NYAP2: variants seen among roughly 807,000 people sequenced by gnomAD.
NYAP2 encodes neuronal tyrosine-phosphorylated phosphoinositide-3-kinase adaptor 2.
Under a neutral mutation model 50.4 loss-of-function variants are expected in NYAP2, and 23 were observed. The observed-to-expected ratio is 0.46, with a 90% CI of 0.33 to 0.65. The LOEUF (loss-of-function observed/expected upper bound fraction) is 0.65, where lower values mean the gene tolerates loss of function less well. Among genes scored for constraint, NYAP2 ranks in the 30% least tolerant of loss-of-function variants. The pLI, the probability that NYAP2 is intolerant of heterozygous loss-of-function variation, is 0.02. For missense variants in NYAP2, 885 were observed against 861.0 expected, an observed-to-expected ratio of 1.03 and a Z score of -0.35; for synonymous variants, 394 against 365.2, an observed-to-expected ratio of 1.08 and a Z score of -0.90.
intron 3 of NYAP2, among the ~76,000 whole-genome samples, chr2:225,457,884 G>C (rs1410721824): frequency 6.6e-6 from 1 of 152,104 alleles, no homozygotes; most frequent in African/African-American, 2.4e-5. Context: ...GTCTACAGGG[G>C]CAACAGTACT....
At chr2:225,519,461 C>G (rs1435615376) in intron 4 of NYAP2, among the ~76,000 whole-genome samples, 3 of 141,908 alleles carry the variant, frequency 2.1e-5, no homozygotes. Context: ...GTGATGTTCC[C>G]CTTCCTGTGT....
At chr2:225,440,039 T>G (rs931137195) in intron 3 of NYAP2, among the ~76,000 whole-genome samples, 2 of 152,172 alleles carry the variant, frequency 1.3e-5, no homozygotes, top group African/African-American at 2.4e-5. Context: ...TCATTATCAC[T>G]AGAACAGCAT....
intron 4 of NYAP2, among the ~76,000 whole-genome samples, chr2:225,534,508 A>G (rs1319746558): frequency 6.6e-6 from 1 of 152,250 alleles, no homozygotes; most frequent in Non-Finnish European, 1.5e-5. Context: ...AGCAGTTGAT[A>G]AATCATAAAC....
At chr2:225,659,801 T>A in the NYAP2 span, among the ~76,000 whole-genome samples, 5 of 152,228 alleles carry the variant, frequency 3.3e-5, no homozygotes, top group Non-Finnish European at 7.3e-5. Flanking sequence ...GGACAGACAT[T>A]ACTTGTGGGA....
intron 4 of NYAP2, among the ~76,000 whole-genome samples, chr2:225,547,627 T>G (rs1253764102): frequency 6.6e-6 from 1 of 152,212 alleles, no homozygotes; most frequent in Middle Eastern, 3.2e-3. Context: ...CCACAATCAC[T>G]ATACTCTCCT....
chr2:225,572,406 A>G (rs1692088591), intron 4 of NYAP2, among the ~76,000 whole-genome samples: 1 of 152,234 alleles, frequency 6.6e-6, no homozygotes, highest in African/African-American at 2.4e-5. Flanking sequence ...GCCTCAGGAA[A>G]CTTACAATCA....
chr2:225,488,904 A>G (rs1690351886), intron 3 of NYAP2, among the ~76,000 whole-genome samples: 1 of 152,188 alleles, frequency 6.6e-6, no homozygotes, highest in South Asian at 2.1e-4. Context: ...CTTCCTTTAA[A>G]GAGCAGCTTT....
intron 4 of NYAP2, among the ~76,000 whole-genome samples, chr2:225,518,548 A>G (rs1439699305): frequency 1.3e-5 from 1 of 78,338 alleles, no homozygotes; most frequent in Non-Finnish European, 2.6e-5. Context: ...ATATATATAT[A>G]TATATATATA....
intron 3 of NYAP2, among the ~76,000 whole-genome samples, chr2:225,511,371 CACAGAG>C (rs1333360201): frequency 0.02 from 2,520 of 125,062 alleles, 23 homozygotes; most frequent in Non-Finnish European, 0.026. Context: ...CACACACACA[CACAGAG>C]AGAGAGAGAG....
At chr2:225,588,857 C>T (rs760837629) in intron 5 of NYAP2, among the ~76,000 whole-genome samples, 13 of 152,198 alleles carry the variant, frequency 8.5e-5, no homozygotes, top group Non-Finnish European at 1.8e-4. Context: ...ATAGCAGTGA[C>T]ACAGTATTGA....
chr2:225,472,524 A>G (rs556002078), intron 3 of NYAP2, among the ~76,000 whole-genome samples: 1 of 152,318 alleles, frequency 6.6e-6, no homozygotes, highest in Non-Finnish European at 1.5e-5. Flanking sequence ...CCCTAAAGAC[A>G]TGGGCCTATT....
intron 3 of NYAP2, among the ~76,000 whole-genome samples, chr2:225,415,556 C>T (rs73099719): frequency 0.021 from 3,250 of 152,202 alleles, 121 homozygotes; most frequent in African/African-American, 0.071. Context: ...TGGCAGTAGA[C>T]TTTGTGGAAA....
chr2:225,552,459 T>C (rs922582145), intron 4 of NYAP2, among the ~76,000 whole-genome samples: 2 of 152,218 alleles, frequency 1.3e-5, no homozygotes, highest in Non-Finnish European at 2.9e-5. Context: ...AATGTGATGA[T>C]ATTTGGAGAT....
intron 2 of NYAP2, among the ~76,000 whole-genome samples, chr2:225,407,289 T>A (rs1694957475): frequency 6.6e-6 from 1 of 152,048 alleles, no homozygotes. Flanking sequence ...GGACTGATAG[T>A]AAAATACAAT....
At chr2:225,586,369 G>A (rs1483499181) in intron 5 of NYAP2, among the ~76,000 whole-genome samples, 1 of 152,084 alleles carries the variant, frequency 6.6e-6, no homozygotes, top group Non-Finnish European at 1.5e-5. Flanking sequence ...TATAGGAAGT[G>A]TTTTTTCCTG....
At chr2:225,577,486 GAGGTTA>G (rs1421363231) in intron 4 of NYAP2, among the ~76,000 whole-genome samples, 1 of 151,896 alleles carries the variant, frequency 6.6e-6, no homozygotes, top group Non-Finnish European at 1.5e-5. Context: ...TTCCTAGAAT[GAGGTTA>G]AGTTGGAATA....
chr2:225,667,883 T>C, the NYAP2 span, among the ~76,000 whole-genome samples: 3 of 152,032 alleles, frequency 2.0e-5, no homozygotes, highest in East Asian at 3.8e-4. Flanking sequence ...TTTTTTAAAA[T>C]AATGTCACTT....
At chr2:225,639,125 C>T (rs1250835427) in intron 6 of NYAP2, among the ~76,000 whole-genome samples, 1 of 151,852 alleles carries the variant, frequency 6.6e-6, no homozygotes, top group Admixed American at 6.6e-5. Context: ...GACCTTTGCT[C>T]CCCCAGAACA....
chr2:225,622,769 G>A (rs757427841), intron 5 of NYAP2, among the ~76,000 whole-genome samples: 85 of 151,616 alleles, frequency 5.6e-4, no homozygotes, highest in Middle Eastern at 3.4e-3. Flanking sequence ...TAGTAGAGAT[G>A]GGGTTTCACC....
Sources: gnomAD v4.1 joint callset for allele counts (sites outside exome capture counted in the v4.1 genomes callset) on GRCh38, gnomAD v4.1.1 for gene constraint, MANE v1.5 for transcripts, NCBI Gene and HGNC (gene_info 2026-07-23, HGNC 2026-07-21) for gene names.